RBFOX1: variants seen among roughly 807,000 people sequenced by gnomAD.
The protein encoded by RBFOX1 is RNA binding protein fox-1 homolog 1.
RBFOX1 carries 8 observed loss-of-function variants against 57.7 expected under a neutral mutation model. That is an observed-to-expected ratio of 0.14 (90% confidence interval 0.08 to 0.25). The LOEUF is 0.25. Ranked by LOEUF, RBFOX1 falls within the 10% of genes least tolerant of loss-of-function variation. The pLI, the probability that RBFOX1 is intolerant of heterozygous loss-of-function variation, is 1.00. For missense variants in RBFOX1, 611 were observed against 548.5 expected, an observed-to-expected ratio of 1.11 and a Z score of -1.14; for synonymous variants, 326 against 222.4, an observed-to-expected ratio of 1.47 and a Z score of -4.15.
At chr16:6,827,865 C>T (rs2092345417) in intron 3 of RBFOX1, among the ~76,000 whole-genome samples, 1 of 152,208 alleles carries the variant, frequency 6.6e-6, no homozygotes, top group Non-Finnish European at 1.5e-5. Flanking sequence ...CCTCTTAGAG[C>T]ACTGGGCTAT....
At chr16:7,522,244 C>A (rs945892552) in intron 5 of RBFOX1, among the ~76,000 whole-genome samples, 2 of 152,152 alleles carry the variant, frequency 1.3e-5, no homozygotes, top group African/African-American at 4.8e-5. Context: ...TACAAAGAAG[C>A]TTGAATTGGT....
rs1340180064 is a variant in RBFOX1 at position 5,820,485 on chromosome 16, G to A, written c.319-46818G>A. On this transcript the variant is annotated intron_variant, in intron 3 of 19. Transcript: ENST00000641259. ...CATTAGCAGCACCAGAGCTGCAGCT[G>A]CCCGCACGTTTCTAGCCACAAGGGA... 6.6e-5 allele frequency among the ~76,000 whole-genome samples: 10 copies of A among 152,266 alleles called. No individual in the cohort carries two copies. In the South Asian group the frequency reaches 1.9e-3, roughly 28 times the overall value.
intron 13 of RBFOX1, among the ~76,000 whole-genome samples, chr16:7,669,913 C>T (rs958019276): frequency 2.6e-5 from 4 of 152,296 alleles, no homozygotes; most frequent in Non-Finnish European, 4.4e-5. Flanking sequence ...AGAAATCAGG[C>T]GAATGCTGTG....
At chr16:6,738,853 C>G (rs945860660) in intron 3 of RBFOX1, among the ~76,000 whole-genome samples, 1 of 152,076 alleles carries the variant, frequency 6.6e-6, no homozygotes, top group Non-Finnish European at 1.5e-5. Context: ...ATCCCAAACA[C>G]TTGGAAGCTA....
At chr16:7,497,842 G>A (rs1338489885) in intron 4 of RBFOX1, among the ~76,000 whole-genome samples, 2 of 152,198 alleles carry the variant, frequency 1.3e-5, no homozygotes, top group Admixed American at 1.3e-4. Context: ...GCGTTTTCAA[G>A]AGCCCTTCTC....
intron 5 of RBFOX1, among the ~76,000 whole-genome samples, chr16:7,561,996 C>T (rs1286589695): frequency 6.6e-6 from 1 of 151,380 alleles, no homozygotes; most frequent in Admixed American, 6.6e-5. Context: ...TTAAAGAAAA[C>T]CAGGAGGTTA....
chr16:7,654,706 G>C (rs1010370577), intron 12 of RBFOX1, among the ~76,000 whole-genome samples: 1 of 152,156 alleles, frequency 6.6e-6, no homozygotes, highest in Admixed American at 6.5e-5. Flanking sequence ...CCTCTTTTAA[G>C]GCTCCTGCTA....
chr16:6,881,020 A>G (rs142026535), intron 3 of RBFOX1, among the ~76,000 whole-genome samples: 14 of 152,298 alleles, frequency 9.2e-5, no homozygotes, highest in African/African-American at 2.9e-4. Flanking sequence ...TACGTGGCCC[A>G]TACCCTCCAC....
At chr16:6,365,061 C>T (rs1337738112) in intron 2 of RBFOX1, among the ~76,000 whole-genome samples, 1 of 151,274 alleles carries the variant, frequency 6.6e-6, no homozygotes, top group African/African-American at 2.4e-5. Context: ...GCACAGTCAT[C>T]AAAACTGATG....
intron 3 of RBFOX1, among the ~76,000 whole-genome samples, chr16:7,002,504 G>C (rs554861704): frequency 5.9e-5 from 9 of 152,282 alleles, no homozygotes; most frequent in African/African-American, 2.2e-4. Flanking sequence ...ATGAGGTCAG[G>C]AGTTGGAGAC....
At chr16:7,496,065 G>C (rs8048171) in intron 4 of RBFOX1, among the ~76,000 whole-genome samples, 119,482 of 152,108 alleles carry the variant, frequency 0.79, 47,133 homozygotes, top group Admixed American at 0.84. Context: ...ACTAGGCTGG[G>C]TCCACATTCT....
chr16:6,553,194 C>T (rs1441276125), intron 2 of RBFOX1, among the ~76,000 whole-genome samples: 5 of 152,144 alleles, frequency 3.3e-5, no homozygotes, highest in Admixed American at 6.5e-5. Context: ...ATTTCTGCAG[C>T]TCTTCTCACG....
At chr16:5,336,456 G>A (rs972110447) in intron 1 of RBFOX1, among the ~76,000 whole-genome samples, 2 of 152,168 alleles carry the variant, frequency 1.3e-5, no homozygotes, top group African/African-American at 4.8e-5. Context: ...GCCGAGGATT[G>A]AATGAGATCA....
chr16:6,064,706 A>C (rs2095737025), intron 1 of RBFOX1, among the ~76,000 whole-genome samples: 1 of 151,924 alleles, frequency 6.6e-6, no homozygotes. Context: ...ACACCCAGCT[A>C]ATTTTTTGTA....
intron 3 of RBFOX1, among the ~76,000 whole-genome samples, chr16:5,640,653 C>T (rs539181730): frequency 1.2e-3 from 181 of 150,908 alleles, no homozygotes; most frequent in African/African-American, 4.1e-3. Context: ...ACATGCACAG[C>T]ATGCATACAC....
intron 4 of RBFOX1, among the ~76,000 whole-genome samples, chr16:7,092,331 T>C (rs185098758): frequency 1.2e-3 from 176 of 152,340 alleles, no homozygotes; most frequent in African/African-American, 4.0e-3. Context: ...CCATTTCAGA[T>C]ACATTAAAAT....
At chr16:7,102,711 A>G (rs2062898393) in intron 4 of RBFOX1, among the ~76,000 whole-genome samples, 1 of 152,172 alleles carries the variant, frequency 6.6e-6, no homozygotes, top group Non-Finnish European at 1.5e-5. Flanking sequence ...TATTTTATGG[A>G]GAAAGTACAA....
At chr16:7,485,459 A>G (rs1411248689) in intron 4 of RBFOX1, among the ~76,000 whole-genome samples, 1 of 152,226 alleles carries the variant, frequency 6.6e-6, no homozygotes, top group Non-Finnish European at 1.5e-5. Context: ...ATCCAGCTGA[A>G]TGCTTCAACC....
At chr16:5,943,506 G>A (rs2059324153) in intron 4 of RBFOX1, among the ~76,000 whole-genome samples, 2 of 152,170 alleles carry the variant, frequency 1.3e-5, no homozygotes, top group Admixed American at 6.5e-5. Context: ...GAAACTCAGG[G>A]CATCCTATGC....
Sources: allele counts gnomAD v4.1 joint callset (sites outside exome capture counted in the v4.1 genomes callset), GRCh38; gene constraint gnomAD v4.1.1; transcripts MANE v1.5; gene names NCBI Gene and HGNC (gene_info 2026-07-23, HGNC 2026-07-21).